Variants in NECTIN2 observed in about 807,000 individuals in gnomAD.
NECTIN2 encodes nectin-2.
NECTIN2 carries 23 observed loss-of-function variants against 56.9 expected under a neutral mutation model. The observed-to-expected ratio is 0.40, with a 90% CI of 0.29 to 0.57. The LOEUF is 0.57. NECTIN2 is among the 20% of genes least tolerant of loss of function. The pLI is 0.38. For synonymous variants in NECTIN2, 302 were observed against 313.8 expected, an observed-to-expected ratio of 0.96 and a Z score of 0.40; for missense variants, 587 against 718.3, an observed-to-expected ratio of 0.82 and a Z score of 2.09.
At chr19:44,882,180 A>T in intron 5 of NECTIN2, 31 bp from the exon 6 acceptor site, 1 of 1,379,614 alleles carries the variant, frequency 7.2e-7, no homozygotes, top group East Asian at 2.8e-5. Flanking sequence ...TTCCTCCTGG[A>T]GACCCCCTCA....
intron 6 of NECTIN2, among the ~76,000 whole-genome samples, chr19:44,884,346 G>A (rs1320394438): frequency 6.6e-6 from 1 of 151,996 alleles, no homozygotes; most frequent in Non-Finnish European, 1.5e-5. Context: ...GTAGAGACAG[G>A]GTTTTGCCAT....
At chr19:44,884,181 A>G (rs1285937747) in intron 6 of NECTIN2, among the ~76,000 whole-genome samples, 4 of 151,804 alleles carry the variant, frequency 2.6e-5, no homozygotes, top group Non-Finnish European at 5.9e-5. Flanking sequence ...TGTTTTTTTG[A>G]GACAGGATCT....
At chr19:44,886,452 G>A (rs1452556575) in intron 8 of NECTIN2, among the ~76,000 whole-genome samples, 1 of 152,234 alleles carries the variant, frequency 6.6e-6, no homozygotes, top group East Asian at 1.9e-4. Context: ...TGGGCACGGT[G>A]GCTCACGCCT....
chr19:44,871,828 G>T, intron 2 of NECTIN2, 25 bp from the exon 3 acceptor site: 1 of 1,603,320 alleles, frequency 6.2e-7, no homozygotes, highest in Non-Finnish European at 8.5e-7. Flanking sequence ...GAGGAGTGAC[G>T]CACCCCCTCT....
intron 1 of NECTIN2, among the ~76,000 whole-genome samples, chr19:44,864,849 C>T (rs1969078534): frequency 6.6e-6 from 1 of 152,022 alleles, no homozygotes; most frequent in Non-Finnish European, 1.5e-5. Context: ...GAAGAATGGC[C>T]TGGAGCCTCC....
At chr19:44,881,109 T>C (rs1969303035) in intron 5 of NECTIN2, among the ~76,000 whole-genome samples, 1 of 151,842 alleles carries the variant, frequency 6.6e-6, no homozygotes, top group South Asian at 2.1e-4. Flanking sequence ...TTTCTAGAGA[T>C]GAGGTCTTGT....
In NECTIN2 at chr19:44,885,967, G is replaced by A. The variant is rs283814; in HGVS notation, c.1227G>A (p.Pro409=). The change falls in exon 7 of 9, where the codon CCG becomes CCA. Residue 409 remains proline (P), a synonymous_variant. Transcript: ENST00000252483. ...DLEGPPSYKP[P]TPKAKLEAQE... The stretch of plus-strand genomic sequence containing the variant: ...AGGGACCTCCCTCCTACAAGCCACC[G>A]ACCCCAAAAGCGAAGCTGGAGGCAC... The A allele has an allele frequency of 0.066, 105,820 of 1,602,636 alleles. 4,014 individuals carry two copies. Among genetic ancestry groups the A allele is most frequent in the Non-Finnish European group, 0.077 (90,299 of 1,169,710 alleles).
chr19:44,870,999 G>A (rs1969168260), intron 2 of NECTIN2, among the ~76,000 whole-genome samples: 1 of 152,078 alleles, frequency 6.6e-6, no homozygotes, highest in South Asian at 2.1e-4. Flanking sequence ...CAAAGTGCTG[G>A]GATTACAGGC....
At chr19:44,862,560 G>A (rs11665829) in intron 1 of NECTIN2, among the ~76,000 whole-genome samples, 50,704 of 151,808 alleles carry the variant, frequency 0.33, 9,300 homozygotes, top group Non-Finnish European at 0.39. Context: ...GCACCAACAC[G>A]GATGGAACTG....
intron 3 of NECTIN2, among the ~76,000 whole-genome samples, chr19:44,873,034 TTACCCA>T (rs1969195918): frequency 1.3e-5 from 2 of 151,752 alleles, no homozygotes; most frequent in African/African-American, 2.4e-5. Flanking sequence ...CCTCGTAATG[TTACCCA>T]GAGAGGCCAC....
intron 3 of NECTIN2, 22 bp downstream of exon 3, chr19:44,872,171 C>T (rs918902899): frequency 6.2e-7 from 1 of 1,602,848 alleles, no homozygotes; most frequent in Non-Finnish European, 8.5e-7. Context: ...GGGGGTGACC[C>T]CTCCCCCATC....
intron 2 of NECTIN2, among the ~76,000 whole-genome samples, chr19:44,870,301 G>A (rs1969157939): frequency 6.6e-6 from 1 of 152,130 alleles, no homozygotes; most frequent in Non-Finnish European, 1.5e-5. Flanking sequence ...CTAACAGCTT[G>A]GAGGGCGGCC....
intron 1 of NECTIN2, among the ~76,000 whole-genome samples, chr19:44,849,566 G>A (rs954779161): frequency 6.6e-6 from 1 of 152,206 alleles, no homozygotes; most frequent in African/African-American, 2.4e-5. Context: ...GGAGCAGGAA[G>A]GGGAGGAGAA....
At chr19:44,863,161 C>CA (rs1323923906) in intron 1 of NECTIN2, among the ~76,000 whole-genome samples, 3 of 151,054 alleles carry the variant, frequency 2.0e-5, no homozygotes, top group South Asian at 2.1e-4. Flanking sequence ...GAGTCTGTCT[C>CA]AAAAAAAAGA....
intron 5 of NECTIN2, chr19:44,878,780 A>T: frequency 7.1e-7 from 1 of 1,418,076 alleles, no homozygotes; most frequent in Non-Finnish European, 9.2e-7. Flanking sequence ...GTGGAACAGC[A>T]CACTGGACTT....
chr19:44,864,864 CCTT>C (rs1369395664), intron 1 of NECTIN2, among the ~76,000 whole-genome samples: 1 of 152,058 alleles, frequency 6.6e-6, no homozygotes, highest in East Asian at 1.9e-4. Flanking sequence ...GCCTCCCTCA[CCTT>C]CTCCACCTAG....
chr19:44,886,473 C>T (rs893041733), intron 8 of NECTIN2, among the ~76,000 whole-genome samples: 1 of 152,118 alleles, frequency 6.6e-6, no homozygotes, highest in African/African-American at 2.4e-5. Context: ...ATAATCCCAG[C>T]ACTTTGGGAG....
At chr19:44,867,917 G>A (rs1416522842) in intron 2 of NECTIN2, among the ~76,000 whole-genome samples, 1 of 152,130 alleles carries the variant, frequency 6.6e-6, no homozygotes, top group Admixed American at 6.5e-5. Context: ...GACGGAGGTA[G>A]AAGGGAGCTG....
rs991271930 is a variant in NECTIN2, at chr19:44,860,043, C to T, written c.89-5228C>T. 4.6e-5 allele frequency among the ~76,000 whole-genome samples: 7 copies of T among 152,036 alleles called. No homozygotes were observed. In the East Asian group the frequency reaches 1.2e-3, roughly 25 times the overall value. On this transcript the variant is annotated intron_variant, in intron 1 of 8. Transcript: ENST00000252483. ...TGAGCCTTAAAGAAGAGTGAAGCGCCGACACGTGTTACAGATGGATGAACC... is the reference window on the plus strand; with the variant it reads ...TGAGCCTTAAAGAAGAGTGAAGCGCTGACACGTGTTACAGATGGATGAACC...
Sources: gnomAD v4.1 joint callset for allele counts (sites outside exome capture counted in the v4.1 genomes callset) on GRCh38, gnomAD v4.1.1 for gene constraint, MANE v1.5 for transcripts, NCBI Gene and HGNC (gene_info 2026-07-23, HGNC 2026-07-21) for gene names.